Variants in FOXN3 observed in about 807,000 individuals in gnomAD.
The protein encoded by FOXN3 is forkhead box N3, also known as forkhead box protein N3.
A neutral mutation model predicts 38.4 loss-of-function variants in FOXN3; 7 were observed. The observed-to-expected ratio is 0.18, with a 90% CI of 0.10 to 0.34. The LOEUF (loss-of-function observed/expected upper bound fraction) is 0.34. Ranked by LOEUF, FOXN3 falls within the 10% of genes least tolerant of loss-of-function variation. The pLI, the probability that FOXN3 is intolerant of heterozygous loss-of-function variation, is 1.00. For missense variants in FOXN3, 456 were observed against 613.4 expected, an observed-to-expected ratio of 0.74 and a Z score of 2.71; for synonymous variants, 230 against 242.2, an observed-to-expected ratio of 0.95 and a Z score of 0.47.
intron 2 of FOXN3, among the ~76,000 whole-genome samples, chr14:89,375,257 ATCG>A (rs1890444110): frequency 6.6e-6 from 1 of 152,244 alleles, no homozygotes; most frequent in African/African-American, 2.4e-5. Flanking sequence ...CCCTCTGTTC[ATCG>A]TCAAGTATAT....
intron 1 of FOXN3, among the ~76,000 whole-genome samples, chr14:89,599,589 T>C (rs1249173781): frequency 6.6e-6 from 1 of 152,172 alleles, no homozygotes; most frequent in African/African-American, 2.4e-5. Context: ...ATATCTGGTC[T>C]TCTCATGTGA....
intron 1 of FOXN3, among the ~76,000 whole-genome samples, chr14:89,432,517 C>T (rs1353959472): frequency 2.6e-5 from 4 of 152,186 alleles, no homozygotes; most frequent in Non-Finnish European, 5.9e-5. Flanking sequence ...TTTCCACCAC[C>T]CTTACAGGAT....
intron 1 of FOXN3, among the ~76,000 whole-genome samples, chr14:89,599,170 T>C (rs1258792621): frequency 6.6e-6 from 1 of 152,224 alleles, no homozygotes; most frequent in African/African-American, 2.4e-5. Context: ...CTCTCCTCAA[T>C]TGCATCTACT....
chr14:89,369,380 G>A (rs982073788), intron 2 of FOXN3, among the ~76,000 whole-genome samples: 2 of 152,076 alleles, frequency 1.3e-5, no homozygotes, highest in Non-Finnish European at 2.9e-5. Context: ...ACTTACAACC[G>A]ACCATGTGCC....
chr14:89,266,885 C>T (rs1428454485), intron 4 of FOXN3, among the ~76,000 whole-genome samples: 1 of 152,148 alleles, frequency 6.6e-6, no homozygotes, highest in East Asian at 1.9e-4. Context: ...GTATTTGCAG[C>T]AACACCAAAA....
intron 3 of FOXN3, chr14:89,290,778 T>C (rs1886845130): frequency 3.5e-6 from 1 of 283,248 alleles, no homozygotes; most frequent in Non-Finnish European, 6.9e-6. Flanking sequence ...TGGTCATCAG[T>C]GATGTGCCAG....
intron 2 of FOXN3, among the ~76,000 whole-genome samples, chr14:89,387,379 C>T (rs552158323): frequency 6.6e-6 from 1 of 152,286 alleles, no homozygotes; most frequent in East Asian, 1.9e-4. Flanking sequence ...GTACTATATT[C>T]CAGGAGTTGT....
At chr14:89,515,294 G>T (rs1195169455) in intron 1 of FOXN3, among the ~76,000 whole-genome samples, 2 of 152,170 alleles carry the variant, frequency 1.3e-5, no homozygotes, top group African/African-American at 4.8e-5. Flanking sequence ...GGAGGAAAAA[G>T]ATTGACAGCC....
At chr14:89,502,944 G>A (rs904697809) in intron 1 of FOXN3, among the ~76,000 whole-genome samples, 10 of 152,172 alleles carry the variant, frequency 6.6e-5, no homozygotes, top group African/African-American at 1.9e-4. Flanking sequence ...GGAAAACCAA[G>A]CAGATAAAAG....
chr14:89,553,371 G>A (rs1895048942), intron 1 of FOXN3, among the ~76,000 whole-genome samples: 1 of 149,518 alleles, frequency 6.7e-6, no homozygotes, highest in Non-Finnish European at 1.5e-5. Context: ...GGTAGGGAAA[G>A]ACTATAAAGT....
At chr14:89,471,996 C>A (rs1893104714) in intron 1 of FOXN3, among the ~76,000 whole-genome samples, 1 of 152,226 alleles carries the variant, frequency 6.6e-6, no homozygotes, top group African/African-American at 2.4e-5. Flanking sequence ...TGGCTCACGC[C>A]TGTAATCCCA....
At chr14:89,420,876 G>GA (rs368615702), upstream of FOXN3, among the ~76,000 whole-genome samples, 3 of 118,710 alleles carry the variant, frequency 2.5e-5, no homozygotes, top group African/African-American at 9.8e-5. Context: ...TATTATCAGA[G>GA]ATACGAATTA....
chr14:89,590,394 T>C (rs559332421), intron 1 of FOXN3, among the ~76,000 whole-genome samples: 3 of 151,944 alleles, frequency 2.0e-5, no homozygotes, highest in African/African-American at 7.3e-5. Context: ...GAGTGACAGA[T>C]GAACTCAGGC....
At chr14:89,537,115 G>A (rs1430909329) in intron 1 of FOXN3, among the ~76,000 whole-genome samples, 1 of 152,202 alleles carries the variant, frequency 6.6e-6, no homozygotes, top group Admixed American at 6.5e-5. Context: ...TTCTCTGAGG[G>A]TGTTGGTTTA....
chr14:89,569,154 A>G (rs566209911), intron 1 of FOXN3, among the ~76,000 whole-genome samples: 48 of 152,234 alleles, frequency 3.2e-4, no homozygotes, highest in Admixed American at 1.6e-3. Context: ...GCAGTGAGCC[A>G]AGATCGCACC....
intron 1 of FOXN3, among the ~76,000 whole-genome samples, chr14:89,510,028 C>T (rs1894023845): frequency 6.6e-6 from 1 of 152,214 alleles, no homozygotes; most frequent in South Asian, 2.1e-4. Context: ...GGAATTCCCC[C>T]TTCCTCCCCA....
At chr14:89,417,612 G>C, upstream of FOXN3, 2 of 413,472 alleles carry the variant, frequency 4.8e-6, no homozygotes, top group Non-Finnish European at 1.0e-5. Context: ...GCAACGTGTC[G>C]CGGGAACGCT....
intron 2 of FOXN3, among the ~76,000 whole-genome samples, chr14:89,391,312 A>T (rs1479628169): frequency 6.6e-6 from 1 of 152,264 alleles, no homozygotes; most frequent in African/African-American, 2.4e-5. Flanking sequence ...AAGTGCCTTC[A>T]GATGTTTAGT....
At chr14:89,255,526 C>T (rs988646369) in intron 4 of FOXN3, among the ~76,000 whole-genome samples, 3 of 152,128 alleles carry the variant, frequency 2.0e-5, no homozygotes, top group African/African-American at 7.2e-5. Context: ...CTCCCTCACA[C>T]CCAGAATGCC....
Sources: gnomAD v4.1 joint callset for allele counts (sites outside exome capture counted in the v4.1 genomes callset) on GRCh38, gnomAD v4.1.1 for gene constraint, MANE v1.5 for transcripts, NCBI Gene and HGNC (gene_info 2026-07-23, HGNC 2026-07-21) for gene names.